CAPZA2: variants seen among roughly 807,000 people sequenced by gnomAD.
CAPZA2 encodes capping actin protein of muscle Z-line subunit alpha 2.
In CAPZA2, 13 loss-of-function variants were observed where a neutral mutation model predicts 44.0. The observed-to-expected ratio is 0.30, with a 90% CI of 0.19 to 0.47. The LOEUF (loss-of-function observed/expected upper bound fraction) is 0.47. Among genes scored for constraint, CAPZA2 ranks in the 20% least tolerant of loss-of-function variants. The probability of loss-of-function intolerance (pLI) is 1.00; values close to 1 mark genes in which losing one functional copy is unlikely to be tolerated. For missense variants in CAPZA2, 244 were observed against 338.6 expected, an observed-to-expected ratio of 0.72 and a Z score of 2.19; for synonymous variants, 94 against 108.2, an observed-to-expected ratio of 0.87 and a Z score of 0.81.
At chr7:116,874,523 G>A (rs1424168891) in intron 1 of CAPZA2, 1 of 152,220 alleles carries the variant, frequency 6.6e-6, no homozygotes, top group Non-Finnish European at 1.5e-5. Context: ...GAGGGCATCA[G>A]TGTCTCTGTC....
chr7:116,912,165 A>G, intron 8 of CAPZA2, 25 bp downstream of exon 8: 14 of 1,609,124 alleles, frequency 8.7e-6, no homozygotes, highest in Non-Finnish European at 1.2e-5. Context: ...CCACAATAAA[A>G]TTTAACCTAA....
At chr7:116,905,825 G>A (rs937144487) in intron 5 of CAPZA2, among the ~76,000 whole-genome samples, 1 of 152,168 alleles carries the variant, frequency 6.6e-6, no homozygotes, top group Admixed American at 6.5e-5. Context: ...TTATAAGTAA[G>A]TTAATTTATT....
rs777393820 is a variant in CAPZA2, at chr7:116,916,046, T to G, written c.658-14T>G. ...TTTAAATTACTATTTTTATTTTGTTTTTTTTTTTTTCAGAATGAAGTGCAA... is the reference window on the plus strand; with the variant it reads ...TTTAAATTACTATTTTTATTTTGTTGTTTTTTTTTTCAGAATGAAGTGCAA... On this transcript the variant is annotated splice_polypyrimidine_tract_variant and intron_variant, in intron 8 of 9. Coordinates refer to ENST00000361183, the MANE Select transcript of CAPZA2 (RefSeq NM_006136.3). The G allele has an allele frequency of 4.7e-6, 7 of 1,488,598 alleles. No homozygotes were observed. The African/African-American group carries it at 5.8e-5, about 12-fold the overall frequency. The allele number at this position is 1,488,598 out of a possible 1,614,324, so 92.2% of individuals were successfully genotyped here. A position where few individuals can be genotyped will look rare whatever the true frequency, so the allele number is the denominator to read the frequency against.
At chr7:116,874,131 T>A (rs142118089) in intron 1 of CAPZA2, 1 of 155,398 alleles carries the variant, frequency 6.4e-6, no homozygotes, top group African/African-American at 2.4e-5. Flanking sequence ...AAAAACCTGC[T>A]GATACTTGCC....
At chr7:116,872,331 G>T (rs1486055133) in intron 1 of CAPZA2, among the ~76,000 whole-genome samples, 2 of 152,128 alleles carry the variant, frequency 1.3e-5, no homozygotes. Context: ...TTTAGTTGAT[G>T]ATAATGCCTA....
intron 7 of CAPZA2, 32 bp downstream of exon 7, chr7:116,910,343 G>A (rs1458213647): frequency 9.8e-7 from 1 of 1,025,032 alleles, no homozygotes; most frequent in Admixed American, 1.7e-5. Context: ...CTGATCTTTA[G>A]ATGATTCTGA....
At chr7:116,906,488 G>A in intron 6 of CAPZA2, 146 bp downstream of exon 6, 4 of 1,366,706 alleles carry the variant, frequency 2.9e-6, no homozygotes, top group Non-Finnish European at 3.8e-6. Context: ...TTGATATAAG[G>A]AAGGTAAATT....
chr7:116,863,839 G>A (rs1796449137), intron 1 of CAPZA2, among the ~76,000 whole-genome samples: 1 of 152,060 alleles, frequency 6.6e-6, no homozygotes, highest in Non-Finnish European at 1.5e-5. Flanking sequence ...TTTTCATTTA[G>A]GACCCTCTGC....
intron 3 of CAPZA2, among the ~76,000 whole-genome samples, chr7:116,895,512 T>G (rs1796912720): frequency 6.6e-6 from 1 of 152,130 alleles, no homozygotes; most frequent in Non-Finnish European, 1.5e-5. Context: ...ATACATGATA[T>G]TCTGATCTTT....
chr7:116,915,232 G>A (rs1791664380), intron 8 of CAPZA2, among the ~76,000 whole-genome samples: 1 of 152,018 alleles, frequency 6.6e-6, no homozygotes, highest in East Asian at 1.9e-4. Context: ...GAACCTGGGA[G>A]GCGGAGATTA....
At chr7:116,891,660 C>T (rs911111752) in intron 2 of CAPZA2, among the ~76,000 whole-genome samples, 4 of 152,020 alleles carry the variant, frequency 2.6e-5, no homozygotes, top group African/African-American at 4.8e-5. Context: ...CCTAGGTGCC[C>T]GCCACCACGC....
chr7:116,916,170 T>C (rs754322895), intron 9 of CAPZA2, 48 bp downstream of exon 9: 9 of 1,456,856 alleles, frequency 6.2e-6, no homozygotes, highest in Non-Finnish European at 8.2e-6. Flanking sequence ...TATGAATTAA[T>C]GTCACTGAAA....
At chr7:116,880,081 A>G in intron 1 of CAPZA2, 2 of 470,050 alleles carry the variant, frequency 4.3e-6, no homozygotes, top group Non-Finnish European at 8.8e-6. Context: ...AGTCAGTGCT[A>G]CACTTTGAGG....
At chr7:116,901,317 T>A (rs185422408) in intron 4 of CAPZA2, among the ~76,000 whole-genome samples, 10 of 152,306 alleles carry the variant, frequency 6.6e-5, no homozygotes, top group Admixed American at 6.5e-4. Context: ...CATAGAATAC[T>A]ATGCAGCCGT....
intron 1 of CAPZA2, among the ~76,000 whole-genome samples, chr7:116,869,389 A>G (rs1399328054): frequency 1.3e-5 from 2 of 152,190 alleles, no homozygotes; most frequent in African/African-American, 2.4e-5. Flanking sequence ...AACTTTTCTT[A>G]TACATTCTAA....
intron 1 of CAPZA2, among the ~76,000 whole-genome samples, chr7:116,870,869 C>T (rs914339243): frequency 6.6e-6 from 1 of 152,138 alleles, no homozygotes; most frequent in African/African-American, 2.4e-5. Flanking sequence ...GTCTGGATGA[C>T]TGGGAATTGG....
intron 1 of CAPZA2, among the ~76,000 whole-genome samples, chr7:116,884,110 G>C (rs1189345348): frequency 6.6e-6 from 1 of 152,068 alleles, no homozygotes; most frequent in Non-Finnish European, 1.5e-5. Context: ...ATAGACTCCA[G>C]TGTATGTTTG....
At position 116,918,162 on chromosome 7, in the gene CAPZA2, A is replaced by G; in HGVS notation, c.*295A>G. ...GGTTAAAAGTTTTTGAAGTGTCTCA[A>G]AAATATTTTACTAACTGTAACCCTA... is the stretch of plus-strand genomic sequence containing the variant. On this transcript the variant is annotated 3_prime_UTR_variant, in exon 10 of 10. Coordinates refer to ENST00000361183, the MANE Select transcript of CAPZA2 (RefSeq NM_006136.3). 4.1e-6 allele frequency: 1 copy of G among 243,914 alleles called. No individual in the cohort carries two copies. Among genetic ancestry groups the G allele is most frequent in the Non-Finnish European group, 8.1e-6 (1 of 123,530 alleles). 15.1% of individuals were successfully genotyped at this position (243,914 alleles called of 1,614,324 possible).
intron 2 of CAPZA2, among the ~76,000 whole-genome samples, chr7:116,890,509 TAAA>T (rs1159101707): frequency 0.056 from 1,646 of 29,156 alleles, 66 homozygotes; most frequent in South Asian, 0.076. Context: ...TGTCTCTACT[TAAA>T]AAAAAAAAAA....
Sources: allele counts gnomAD v4.1 joint callset (sites outside exome capture counted in the v4.1 genomes callset), GRCh38; gene constraint gnomAD v4.1.1; transcripts MANE v1.5; gene names NCBI Gene and HGNC (gene_info 2026-07-23, HGNC 2026-07-21).